Variants in TRMT13 observed in about 807,000 individuals in gnomAD.
TRMT13 encodes tRNA:m(4)X modification enzyme TRM13 homolog.
TRMT13 carries 45 observed loss-of-function variants against 55.9 expected under a neutral mutation model. That is an observed-to-expected ratio of 0.80 (90% CI 0.63 to 1.03). The LOEUF (loss-of-function observed/expected upper bound fraction) is 1.03, where lower values mean the gene tolerates loss of function less well. Among genes scored for constraint, TRMT13 ranks in the 50% least tolerant of loss-of-function variants. TRMT13 has a pLI of 0.00. For missense variants in TRMT13, 513 were observed against 563.9 expected (o/e 0.91, Z 0.91); for synonymous variants, 183 against 196.3 (o/e 0.93, Z 0.57).
chr1:100,140,605 T>C, intron 6 of TRMT13, 91 bp downstream of exon 6: 1 of 1,100,964 alleles, frequency 9.1e-7, no homozygotes, highest in Admixed American at 2.1e-5. Flanking sequence ...TTTTATTTTG[T>C]TTACCTTTGA....
rs1393667385 is a variant in TRMT13 at position 100,133,224 on chromosome 1, G to A, written c.56G>A (p.Cys19Tyr). ...HAPGFPAEGR[C>Y]GYYVEKKKRF... Reference sequence around the variant, plus strand: ...CCTGGTTTTCCAGCTGAGGGTAGATGCGGTTACTATGTGGAAAAGAAGAAA... The same window carrying A: ...CCTGGTTTTCCAGCTGAGGGTAGATACGGTTACTATGTGGAAAAGAAGAAA... Residue 19 changes from cysteine (C) to tyrosine (Y), a missense_variant, in exon 1 of 11, where the codon TGC (cysteine) becomes TAC (tyrosine). By Grantham distance (194) the Cys-to-Tyr change is radical (BLOSUM62 -2). Transcript: ENST00000370141. 2 of 1,614,074 alleles carry A rather than the reference G, an allele frequency of 1.2e-6. No homozygotes were observed. Among genetic ancestry groups the A allele is most frequent in the Admixed American group, 1.7e-5 (1 of 60,006 alleles).
chr1:100,136,973 T>C, intron 2 of TRMT13, 45 bp downstream of exon 2: 1 of 1,602,262 alleles, frequency 6.2e-7, no homozygotes, highest in African/African-American at 1.3e-5. Flanking sequence ...CTGGAAACAG[T>C]AATTGGCACA....
At chr1:100,147,839 GTATT>G in intron 9 of TRMT13, 51 bp from the exon 10 acceptor site, 2 of 1,475,880 alleles carry the variant, frequency 1.4e-6, no homozygotes, top group African/African-American at 1.4e-5. Flanking sequence ...AATGTAAAAA[GTATT>G]TATTTTTAAA....
At chr1:100,145,535 A>G (rs994384903) in intron 9 of TRMT13, among the ~76,000 whole-genome samples, 5 of 152,018 alleles carry the variant, frequency 3.3e-5, no homozygotes, top group African/African-American at 9.7e-5. Context: ...CTTCCCCTAC[A>G]TCTATGCCAT....
chr1:100,143,550 C>T (rs1372965698), intron 8 of TRMT13, among the ~76,000 whole-genome samples: 1 of 152,136 alleles, frequency 6.6e-6, no homozygotes, highest in East Asian at 1.9e-4. Flanking sequence ...GTTAACGTGA[C>T]TTTACCTAAA....
rs1292316325 is a variant in TRMT13 at position 100,139,663 on chromosome 1, A to C, written c.276A>C (p.Gln92His). ...REKPKPDFYI[Q>H]DINAGLRDET... ...TTTTTGTTAAGGATTTCTATATTCAAGATATTAATGCAGGCTTAAGAGATG... is the reference window on the plus strand; with the variant it reads ...TTTTTGTTAAGGATTTCTATATTCACGATATTAATGCAGGCTTAAGAGATG... Residue 92 changes from glutamine (Q) to histidine (H), a missense_variant, in exon 4 of 11, where the codon CAA becomes CAC. By Grantham distance (24) the Gln-to-His change is conservative. This residue lies in a region of TRMT13 where 298 missense variants were observed against 290.3 expected (regional missense o/e 1.03). Coordinates refer to ENST00000370141, the MANE Select transcript of TRMT13 (RefSeq NM_019083.3). 1 of 1,542,048 alleles carries C rather than the reference A, an allele frequency of 6.5e-7. No individual in the cohort carries two copies. The highest frequency in any genetic ancestry group is 8.9e-7 in the Non-Finnish European group (1 of 1,117,824).
chr1:100,139,562 G>A (rs1275921960), intron 3 of TRMT13, 87 bp from the exon 4 acceptor site: 1 of 754,208 alleles, frequency 1.3e-6, no homozygotes, highest in East Asian at 2.7e-5. Flanking sequence ...TACAGAGCAG[G>A]GGATAAAGGG....
At chr1:100,137,134 C>G (rs1476333590) in intron 3 of TRMT13, 49 bp downstream of exon 3, 2 of 1,438,114 alleles carry the variant, frequency 1.4e-6, no homozygotes, top group Non-Finnish European at 9.7e-7. Flanking sequence ...GTATGTAATG[C>G]CTTGGTAGAT....
At position 100,137,040 on chromosome 1, in the gene TRMT13, A is replaced by C; in HGVS notation, c.216A>C (p.Leu72=). ...TTAGCACAGTATATGAAGATCAACTAGCAAAGCATTTGAAAAAATGTAACT... is the reference window on the plus strand; with the variant it reads ...TTAGCACAGTATATGAAGATCAACTCGCAAAGCATTTGAAAAAATGTAACT... ...DPKHTVYEDQ[L]AKHLKKCNSR... is the part of the protein sequence containing the mutation. Residue 72 remains leucine, a synonymous_variant, in exon 3 of 11, where the codon CTA becomes CTC. Coordinates refer to ENST00000370141, the MANE Select transcript of TRMT13 (RefSeq NM_019083.3). 3 of 1,612,992 alleles carry C rather than the reference A, an allele frequency of 1.9e-6. 1 individual carries two copies. Among genetic ancestry groups the C allele is most frequent in the South Asian group, 1.1e-5 (1 of 90,840 alleles).
In TRMT13 at chr1:100,148,283, G is replaced by T; in HGVS notation, c.1207G>T (p.Gly403Ter). 6.2e-7 allele frequency: 1 copy of T among 1,614,094 alleles called. No homozygotes were observed. The highest frequency in any genetic ancestry group is 8.5e-7 in the Non-Finnish European group (1 of 1,179,998). ...QNDDSEEHDD[G>*]GYRITDDGAD... Reference sequence around the variant, plus strand: ...TGATGATAGTGAAGAGCATGATGATGGAGGATACAGAATCACAGATGATGG... The same window carrying T: ...TGATGATAGTGAAGAGCATGATGATTGAGGATACAGAATCACAGATGATGG... Residue 403 changes from glycine to a stop codon, truncating the protein, a stop_gained, in exon 10 of 11, where the codon GGA (glycine) becomes TGA (stop). Transcript: ENST00000370141. LOFTEE classifies it high-confidence loss of function.
intron 2 of TRMT13, 27 bp from the exon 3 acceptor site, chr1:100,136,992 T>A: frequency 1.9e-6 from 3 of 1,603,810 alleles, no homozygotes; most frequent in Non-Finnish European, 2.5e-6. Flanking sequence ...CAAGTCTCAT[T>A]TGAAATAATT....
chr1:100,138,685 G>C (rs1656214468), intron 3 of TRMT13, among the ~76,000 whole-genome samples: 1 of 152,132 alleles, frequency 6.6e-6, no homozygotes, highest in Admixed American at 6.5e-5. Flanking sequence ...AACAGGATTT[G>C]TAGAAACAGT....
At chr1:100,145,734 G>A (rs1037079269) in intron 9 of TRMT13, among the ~76,000 whole-genome samples, 3 of 152,128 alleles carry the variant, frequency 2.0e-5, no homozygotes, top group East Asian at 1.9e-4. Flanking sequence ...TGTTGGGCAC[G>A]ATAGCTTGTG....
chr1:100,140,102 G>T, intron 4 of TRMT13, 80 bp from the exon 5 acceptor site: 1 of 892,422 alleles, frequency 1.1e-6, no homozygotes, highest in Non-Finnish European at 1.7e-6. Flanking sequence ...TTGCCCAGTT[G>T]GTAAACCTCT....
At chr1:100,139,185 T>C (rs1014957516) in intron 3 of TRMT13, among the ~76,000 whole-genome samples, 8 of 152,238 alleles carry the variant, frequency 5.3e-5, no homozygotes, top group Non-Finnish European at 8.8e-5. Context: ...ATCAGACTTA[T>C]TGTTATAATA....
Position 100,139,869 on chromosome 1 carries a change from C to T in TRMT13, c.324+158C>T, listed in dbSNP as rs192658256. On this transcript the variant is annotated intron_variant, in intron 4 of 10. Transcript: ENST00000370141. ...TTGTTAGTGATGGTTAGTTCCTAGA[C>T]CCAGACCAGCTCATGCCCCATAACA... Among the ~76,000 whole-genome samples the T allele has an allele frequency of 4.6e-3, 708 of 152,306 alleles. 3 individuals are homozygous for T. Among genetic ancestry groups the T allele is most frequent in the Non-Finnish European group, 6.5e-3 (443 of 68,024 alleles).
intron 1 of TRMT13, among the ~76,000 whole-genome samples, chr1:100,136,139 C>T (rs1441416347): frequency 1.3e-5 from 2 of 152,110 alleles, no homozygotes; most frequent in Admixed American, 6.5e-5. Flanking sequence ...TATTCCCAGT[C>T]ATTAAGTGAT....
chr1:100,143,690 T>TA lies in TRMT13; in HGVS notation c.743-378dup, dbSNP rs1016594469. Among the ~76,000 whole-genome samples the TA allele has an allele frequency of 2.0e-4, 31 of 152,156 alleles. 1 individual carries two copies. Among genetic ancestry groups the TA allele is most frequent in the African/African-American group, 7.5e-4 (31 of 41,532 alleles). ...CATACACAAAACACACACAGACACA[T>TA]ACACACACAAACTCCTCAATCAACC... is the stretch of plus-strand genomic sequence containing the variant. On this transcript the variant is annotated intron_variant, in intron 8 of 10. Transcript: ENST00000370141.
At chr1:100,138,634 A>G (rs567645422) in intron 3 of TRMT13, among the ~76,000 whole-genome samples, 26 of 152,364 alleles carry the variant, frequency 1.7e-4, no homozygotes, top group South Asian at 4.1e-4. Context: ...TCCATTTACT[A>G]CACATAACAT....
Sources: gnomAD v4.1 joint callset for allele counts (sites outside exome capture counted in the v4.1 genomes callset) on GRCh38, gnomAD v4.1.1 for gene constraint, gnomAD v4.1.1 regional missense constraint, MANE v1.5 for transcripts, NCBI Gene and HGNC (gene_info 2026-07-23, HGNC 2026-07-21) for gene names.